TRDN: variants seen among roughly 807,000 people sequenced by gnomAD.
TRDN encodes the protein triadin in skeletal muscle.
Under a neutral mutation model 149.7 loss-of-function variants are expected in TRDN, and 161 were observed. That is an observed-to-expected ratio of 1.08 (90% CI 0.95 to 1.23). The LOEUF (loss-of-function observed/expected upper bound fraction) is 1.23. TRDN is among the 50% of genes most tolerant of loss of function. The probability of loss-of-function intolerance (pLI) is 0.00; values close to 1 mark genes in which losing one functional copy is unlikely to be tolerated. For missense variants in TRDN, 896 were observed against 823.5 expected (o/e 1.09, Z -1.08); for synonymous variants, 294 against 250.5 (o/e 1.17, Z -1.64).
intron 38 of TRDN, among the ~76,000 whole-genome samples, chr6:123,228,967 G>C (rs1261180598): frequency 2.6e-5 from 4 of 151,864 alleles, no homozygotes; most frequent in Non-Finnish European, 5.9e-5. Flanking sequence ...TGAAAATAAA[G>C]ACAATGAAGA....
chr6:123,431,471 A>G lies in TRDN; in HGVS notation c.1051+6592T>C, dbSNP rs117386155. ...AAAATTTATCTAGATTTCAATGTCTAACAATACCAATTGGATGCATTTGTT... is the reference window on the plus strand; with the variant it reads ...AAAATTTATCTAGATTTCAATGTCTGACAATACCAATTGGATGCATTTGTT... On this transcript the variant is annotated intron_variant, in intron 12 of 40. Coordinates refer to ENST00000334268, the MANE Select transcript of TRDN (RefSeq NM_006073.4). Among the ~76,000 whole-genome samples the G allele has an allele frequency of 9.9e-3, 1,514 of 152,298 alleles. 14 individuals carry two copies. Among genetic ancestry groups the G allele is most frequent in the Non-Finnish European group, 0.013 (917 of 68,012 alleles).
chr6:123,264,826 A>T (rs528683098), intron 33 of TRDN, among the ~76,000 whole-genome samples: 4 of 152,222 alleles, frequency 2.6e-5, no homozygotes, highest in Admixed American at 1.3e-4. Context: ...TGCTGGTTTC[A>T]GATGATCACT....
At position 123,264,508 on chromosome 6, in the gene TRDN, ATGT is replaced by A. The variant is rs537149951; in HGVS notation, c.1804+807_1804+809del. 7.4e-4 allele frequency among the ~76,000 whole-genome samples: 112 copies of A among 152,220 alleles called. 1 individual carries two copies. The highest frequency in any genetic ancestry group is 1.4e-3 in the Non-Finnish European group (96 of 67,998). ...GAGATGGAATCTACTTCTGGTGAAG[ATGT>A]TGTGAACATCGTCAAAATCACAACA... is the stretch of plus-strand genomic sequence containing the variant. On this transcript the variant is annotated intron_variant, in intron 33 of 40. Transcript: ENST00000334268.
In TRDN at chr6:123,302,018, T is replaced by C. The variant is rs1272288017; in HGVS notation, c.1510+14439A>G. Among the ~76,000 whole-genome samples the C allele has an allele frequency of 6.0e-5, 9 of 150,354 alleles. No individual in the cohort carries two copies. In the East Asian group the frequency reaches 1.8e-3, roughly 29 times the overall value. On this transcript the variant is annotated intron_variant, in intron 24 of 40. Transcript: ENST00000334268. ...TACATCCTCAAAGGCTAGCAAGGCC[T>C]AATGCATGATAAAAAATTCAATTTT...
intron 20 of TRDN, among the ~76,000 whole-genome samples, chr6:123,357,182 G>C (rs997268483): frequency 6.6e-6 from 1 of 151,782 alleles, no homozygotes; most frequent in African/African-American, 2.4e-5. Flanking sequence ...ACTTAGAAAT[G>C]TATTACTTAC....
At chr6:123,435,617 C>A (rs911488358) in intron 12 of TRDN, among the ~76,000 whole-genome samples, 1 of 151,762 alleles carries the variant, frequency 6.6e-6, no homozygotes, top group African/African-American at 2.4e-5. Context: ...TAAACTCTGC[C>A]TATCTTTTAT....
At chr6:123,595,483 G>A (rs1414197621) in intron 1 of TRDN, among the ~76,000 whole-genome samples, 4 of 152,070 alleles carry the variant, frequency 2.6e-5, no homozygotes, top group Non-Finnish European at 5.9e-5. Context: ...ATCGAAGTGA[G>A]AAATTAAAAG....
intron 19 of TRDN, among the ~76,000 whole-genome samples, chr6:123,370,159 G>T (rs977234221): frequency 6.6e-6 from 1 of 151,972 alleles, no homozygotes; most frequent in Admixed American, 6.6e-5. Context: ...ATAGAATATC[G>T]CCAAGGCCTT....
chr6:123,281,932 C>T (rs918710527), intron 24 of TRDN, among the ~76,000 whole-genome samples: 10 of 151,996 alleles, frequency 6.6e-5, no homozygotes, highest in Admixed American at 1.3e-4. Context: ...GAAGTCCAGA[C>T]GCCCAGTACC....
At chr6:123,458,737 C>T (rs1452749899) in intron 10 of TRDN, among the ~76,000 whole-genome samples, 1 of 152,134 alleles carries the variant, frequency 6.6e-6, no homozygotes, top group Non-Finnish European at 1.5e-5. Flanking sequence ...TAAACAGCCT[C>T]AGATTCATGG....
At chr6:123,503,466 G>A (rs565820723) in intron 8 of TRDN, 59 of 984,932 alleles carry the variant, frequency 6.0e-5, no homozygotes, top group South Asian at 1.4e-4. Flanking sequence ...ATATGATTTC[G>A]GATGCTACCT....
rs1443457775 is a variant in TRDN, at chr6:123,266,642, TA to T, written c.1783+1064del. 6.7e-4 allele frequency among the ~76,000 whole-genome samples: 17 copies of T among 25,490 alleles called. 8 individuals are homozygous for T. Among genetic ancestry groups the T allele is most frequent in the Non-Finnish European group, 1.4e-3 (15 of 10,854 alleles). The allele number at this position is 25,490 out of a possible 152,430, so 16.7% of individuals were successfully genotyped here. On this transcript the variant is annotated intron_variant, in intron 32 of 40. Coordinates refer to ENST00000334268, the MANE Select transcript of TRDN (RefSeq NM_006073.4). ...ATAATATATATTATAATATGTATTA[TA>T]TTATAATAATATGTATAATATGTAT...
chr6:123,416,643 A>G (rs1057459422), intron 12 of TRDN, among the ~76,000 whole-genome samples: 7 of 151,826 alleles, frequency 4.6e-5, no homozygotes, highest in African/African-American at 1.7e-4. Flanking sequence ...TCACTGGACT[A>G]TGAAGTTCTA....
intron 32 of TRDN, among the ~76,000 whole-genome samples, chr6:123,266,768 T>C (rs1777019278): frequency 7.7e-6 from 1 of 129,446 alleles, no homozygotes; most frequent in Non-Finnish European, 1.6e-5. Flanking sequence ...ATATATAATA[T>C]ATATGATATA....
At chr6:123,473,107 A>G (rs1309211570) in intron 9 of TRDN, among the ~76,000 whole-genome samples, 7 of 152,356 alleles carry the variant, frequency 4.6e-5, no homozygotes, top group African/African-American at 1.4e-4. Context: ...TGACTTTGAC[A>G]AGCTGAGAGA....
At chr6:123,249,663 G>A (rs367983963) in intron 38 of TRDN, among the ~76,000 whole-genome samples, 4 of 152,054 alleles carry the variant, frequency 2.6e-5, no homozygotes, top group African/African-American at 9.7e-5. Flanking sequence ...ATCATCATAC[G>A]TGAAATAACT....
In TRDN at chr6:123,316,470, C is replaced by CTA; in HGVS notation, c.1496_1497insTA (p.Lys499AsnfsTer48). On this transcript the variant is annotated frameshift_variant, in exon 24 of 41. Coordinates refer to ENST00000334268, the MANE Select transcript of TRDN (RefSeq NM_006073.4). LOFTEE classifies it high-confidence loss of function. ...AAATATCCTTACCTGCTTTGGACAT[C>CTA]TTTTCATCTTTTTTAGTTTCAGGTT... The CTA allele has an allele frequency of 6.2e-7, 1 of 1,610,188 alleles. No individual in the cohort carries two copies. Among genetic ancestry groups the CTA allele is most frequent in the Non-Finnish European group, 8.5e-7 (1 of 1,177,560 alleles).
chr6:123,224,202 T>C (rs1472649777), intron 38 of TRDN, 71 bp from the exon 39 acceptor site: 1 of 1,455,368 alleles, frequency 6.9e-7, no homozygotes, highest in Non-Finnish European at 9.6e-7. Flanking sequence ...GTATTGTATT[T>C]AAAGGTTTTT....
intron 22 of TRDN, among the ~76,000 whole-genome samples, chr6:123,334,270 A>G (rs1779780009): frequency 6.6e-6 from 1 of 152,072 alleles, no homozygotes; most frequent in Admixed American, 6.6e-5. Context: ...TTCCTCTGCC[A>G]TTATATCCAA....
Sources: gnomAD v4.1 joint callset for allele counts (sites outside exome capture counted in the v4.1 genomes callset) on GRCh38, gnomAD v4.1.1 for gene constraint, MANE v1.5 for transcripts, NCBI Gene and HGNC (gene_info 2026-07-23, HGNC 2026-07-21) for gene names.